The following CCDC33 variants were observed in gnomAD, a reference collection of about 807,000 sequenced individuals.
The protein encoded by CCDC33 is coiled-coil domain-containing protein 33.
Under a neutral mutation model 91.9 loss-of-function variants are expected in CCDC33, and 94 were observed. That is an observed-to-expected ratio of 1.02 (90% CI 0.87 to 1.21). The LOEUF (loss-of-function observed/expected upper bound fraction) is 1.21, where lower values mean the gene tolerates loss of function less well. Ranked by LOEUF, CCDC33 falls within the 50% of genes most tolerant of loss-of-function variation. CCDC33 has a pLI of 0.00. For missense variants in CCDC33, 940 were observed against 935.5 expected (o/e 1.00, Z -0.06); for synonymous variants, 396 against 374.5 (o/e 1.06, Z -0.66).
At chr15:74,239,408 T>C (rs1476025159) in intron 1 of CCDC33, among the ~76,000 whole-genome samples, 1 of 152,140 alleles carries the variant, frequency 6.6e-6, no homozygotes, top group Admixed American at 6.5e-5. Context: ...GATCCAAAAA[T>C]GCCCTAAGTG....
Position 74,268,362 on chromosome 15 carries a change from C to G in CCDC33, c.450C>G (p.Ala150=), listed in dbSNP as rs202101418. 2 of 1,613,728 alleles carry G rather than the reference C, an allele frequency of 1.2e-6. No individual in the cohort carries two copies. The highest frequency in any genetic ancestry group is 1.7e-6 in the Non-Finnish European group (2 of 1,179,704). ...TCCAGCCCACTGAGTCTGGGAAAGC[C>G]GATGAAGCCACTGCCAAGACCCAGT... ...ELVKPTESGK[A]DEATAKTQLY... is the part of the protein sequence containing the mutation. The change falls in exon 5 of 19, where the codon GCC becomes GCG. Residue 150 remains alanine (A), a synonymous_variant. Transcript: ENST00000398814.
At chr15:74,284,605 G>T (rs1156750593) in intron 10 of CCDC33, among the ~76,000 whole-genome samples, 3 of 152,136 alleles carry the variant, frequency 2.0e-5, no homozygotes, top group East Asian at 1.9e-4. Context: ...AAACAATCAG[G>T]CCCTGTCTTT....
chr15:74,233,726 T>G (rs546121112), upstream of CCDC33, among the ~76,000 whole-genome samples: 20 of 152,294 alleles, frequency 1.3e-4, no homozygotes, highest in South Asian at 4.1e-3. Flanking sequence ...GTTAAGAGCT[T>G]TACCTGCGTG....
chr15:74,258,278 C>T (rs752959851), intron 2 of CCDC33, among the ~76,000 whole-genome samples: 9 of 152,336 alleles, frequency 5.9e-5, no homozygotes, highest in Middle Eastern at 3.4e-3. Context: ...TACAAGCCTG[C>T]CCAGCCAAGA....
intron 3 of CCDC33, among the ~76,000 whole-genome samples, chr15:74,263,442 TCTC>T (rs1395526117): frequency 6.6e-6 from 1 of 152,088 alleles, no homozygotes; most frequent in East Asian, 1.9e-4. Context: ...CCTAGACAGA[TCTC>T]CTTGTTCTCC....
In CCDC33 at chr15:74,218,787, TCAGA is replaced by T. The variant is rs2074513517; in HGVS notation, c.605_608del (p.Asp202AlafsTer10). 1 of 1,288,140 alleles carries T rather than the reference TCAGA, an allele frequency of 7.8e-7. No individual in the cohort carries two copies. The highest frequency in any genetic ancestry group is 1.0e-6 in the Non-Finnish European group (1 of 987,948). 79.8% of individuals were successfully genotyped at this position (1,288,140 alleles called of 1,614,324 possible). ...CCACCGGGGCCCTCAGCCTCCAGTC[TCAGA>T]CAGCCCTCCCAGGGCTGGCCAGCCA... On this transcript the variant is annotated frameshift_variant, in exon 2 of 3. Coordinates refer to the CCDC33 transcript ENST00000635913. LOFTEE classifies it high-confidence loss of function. The surrounding 1 kb of genome is among the most constrained non-coding windows in gnomAD (Gnocchi z 4.8).
At chr15:74,309,112 C>T (rs2059944843) in intron 11 of CCDC33, among the ~76,000 whole-genome samples, 1 of 152,152 alleles carries the variant, frequency 6.6e-6, no homozygotes, top group Non-Finnish European at 1.5e-5. Flanking sequence ...ACCAGGTGAC[C>T]TGTCCCAAGC....
In CCDC33 at chr15:74,266,794, C is replaced by CAG; in HGVS notation, c.429+10_429+11dup. 6.2e-7 allele frequency: 1 copy of CAG among 1,604,346 alleles called. No individual in the cohort carries two copies. The highest frequency in any genetic ancestry group is 8.5e-7 in the Non-Finnish European group (1 of 1,171,168). On this transcript the variant is annotated splice_region_variant and intron_variant, in intron 4 of 18. Coordinates refer to ENST00000398814, the MANE Select transcript of CCDC33 (RefSeq NM_025055.5). Reference sequence around the variant, plus strand: ...CCACTTTGAGCTGGTGAAGGTGAGTCAGAGGCCTGGGGAAGTGCCGGGAGA... The same window carrying CAG: ...CCACTTTGAGCTGGTGAAGGTGAGTCAGAGAGGCCTGGGGAAGTGCCGGGAGA...
upstream of CCDC33, among the ~76,000 whole-genome samples, chr15:74,232,526 T>C (rs976320956): frequency 6.6e-6 from 1 of 152,176 alleles, no homozygotes; most frequent in Non-Finnish European, 1.5e-5. Flanking sequence ...ACACTTGGCC[T>C]TCTCTTTTCC....
chr15:74,294,885 C>T (rs777855894), intron 10 of CCDC33, among the ~76,000 whole-genome samples: 7 of 152,062 alleles, frequency 4.6e-5, no homozygotes, highest in Non-Finnish European at 7.4e-5. Context: ...CATCCTTGGG[C>T]GGTGGGGGTG....
At chr15:74,259,111 C>T (rs1238057277) in intron 2 of CCDC33, among the ~76,000 whole-genome samples, 1 of 152,084 alleles carries the variant, frequency 6.6e-6, no homozygotes, top group Admixed American at 6.5e-5. Flanking sequence ...TAAATCTGGC[C>T]CCGAGACAGC....
intron 1 of CCDC33, chr15:74,209,260 G>A (rs1027818308): frequency 8.4e-7 from 1 of 1,184,496 alleles, no homozygotes. Flanking sequence ...TGATCTCCTT[G>A]GCCCTCAGAG....
intron 11 of CCDC33, among the ~76,000 whole-genome samples, chr15:74,298,897 G>C (rs1471088743): frequency 2.6e-5 from 4 of 151,988 alleles, no homozygotes; most frequent in Non-Finnish European, 5.9e-5. Flanking sequence ...ATTTTTAGTA[G>C]AGACGGGCTT....
chr15:74,299,547 T>C (rs1437962222), intron 11 of CCDC33: 1 of 152,248 alleles, frequency 6.6e-6, no homozygotes, highest in Non-Finnish European at 1.5e-5. Flanking sequence ...AGGGTGGCAA[T>C]GAGGTGGCCC....
chr15:74,335,316 C>G, intron 18 of CCDC33: 2 of 612,630 alleles, frequency 3.3e-6, no homozygotes, highest in East Asian at 2.7e-5. Context: ...ACTACCCTTT[C>G]CCCCATGGGG....
intron 11 of CCDC33, among the ~76,000 whole-genome samples, chr15:74,297,168 C>A (rs2059704952): frequency 6.6e-6 from 1 of 152,244 alleles, no homozygotes; most frequent in Admixed American, 6.5e-5. Context: ...CAGGGCCATC[C>A]TGCTCAGGCA....
intron 2 of CCDC33, chr15:74,221,672 G>A (rs540415374): frequency 2.6e-5 from 4 of 152,262 alleles, no homozygotes; most frequent in African/African-American, 9.6e-5. Context: ...CCAAGATAGA[G>A]GTCACTCCCT....
chr15:74,279,854 G>A, intron 7 of CCDC33, 109 bp from the exon 8 acceptor site: 2 of 1,452,676 alleles, frequency 1.4e-6, no homozygotes, highest in Non-Finnish European at 1.8e-6. Context: ...TTTTATAGTT[G>A]GGAGAAACAT....
At chr15:74,227,409 G>A (rs541595572) in intron 2 of CCDC33, among the ~76,000 whole-genome samples, 4 of 152,312 alleles carry the variant, frequency 2.6e-5, no homozygotes, top group African/African-American at 7.2e-5. Flanking sequence ...AAAGGATCAC[G>A]GGGAAGCACT....
Sources: gnomAD v4.1 joint callset for allele counts (sites outside exome capture counted in the v4.1 genomes callset) on GRCh38, gnomAD v4.1.1 for gene constraint, Gnocchi (gnomAD v3.1) non-coding constraint, MANE v1.5 for transcripts, NCBI Gene and HGNC (gene_info 2026-07-23, HGNC 2026-07-21) for gene names.